Variants in SNTG1 observed in about 807,000 individuals in gnomAD.
SNTG1 encodes the protein gamma-1-syntrophin.
In SNTG1, 39 loss-of-function variants were observed where a neutral mutation model predicts 74.7. That is an observed-to-expected ratio of 0.52 (90% CI 0.40 to 0.68). The LOEUF (loss-of-function observed/expected upper bound fraction) is 0.68. SNTG1 is among the 30% of genes least tolerant of loss of function. The pLI, the probability that SNTG1 is intolerant of heterozygous loss-of-function variation, is 0.00. For synonymous variants in SNTG1, 254 were observed against 217.1 expected (o/e 1.17, Z -1.49); for missense variants, 685 against 609.5 (o/e 1.12, Z -1.30).
intron 2 of SNTG1, among the ~76,000 whole-genome samples, chr8:50,284,341 C>T (rs1482532996): frequency 6.6e-6 from 1 of 151,964 alleles, no homozygotes; most frequent in Non-Finnish European, 1.5e-5. Context: ...AGAGCAAGAT[C>T]ACAGAGGTAA....
At chr8:50,540,743 A>C (rs2094340620) in intron 11 of SNTG1, among the ~76,000 whole-genome samples, 1 of 152,142 alleles carries the variant, frequency 6.6e-6, no homozygotes, top group African/African-American at 2.4e-5. Context: ...TGGCATGTCC[A>C]GTACCTTTGG....
At chr8:50,753,082 A>T (rs906983515) in intron 18 of SNTG1, among the ~76,000 whole-genome samples, 1 of 151,852 alleles carries the variant, frequency 6.6e-6, no homozygotes, top group Non-Finnish European at 1.5e-5. Flanking sequence ...TTTGTCTCCC[A>T]TCAGTTTAGA....
At chr8:50,692,112 G>A (rs933134320) in intron 15 of SNTG1, among the ~76,000 whole-genome samples, 1 of 151,918 alleles carries the variant, frequency 6.6e-6, no homozygotes, top group African/African-American at 2.4e-5. Flanking sequence ...GGTTCTTTAA[G>A]GACTTCTCTG....
chr8:50,613,510 A>G (rs1397723042), intron 13 of SNTG1, among the ~76,000 whole-genome samples: 1 of 152,318 alleles, frequency 6.6e-6, no homozygotes, highest in Non-Finnish European at 1.5e-5. Context: ...GCAGGAAGAT[A>G]CATTTTAGCT....
chr8:50,249,184 T>C (rs1252757449), intron 2 of SNTG1, among the ~76,000 whole-genome samples: 1 of 152,176 alleles, frequency 6.6e-6, no homozygotes, highest in African/African-American at 2.4e-5. Context: ...GATCTTCTAG[T>C]CCTTACAGGC....
intron 4 of SNTG1, among the ~76,000 whole-genome samples, chr8:50,423,974 A>C (rs922642690): frequency 6.6e-6 from 1 of 152,174 alleles, no homozygotes; most frequent in African/African-American, 2.4e-5. Flanking sequence ...TATGGGGATG[A>C]TCTAAAGATG....
At chr8:50,274,255 T>C (rs1403563713) in intron 2 of SNTG1, among the ~76,000 whole-genome samples, 2 of 151,892 alleles carry the variant, frequency 1.3e-5, no homozygotes, top group African/African-American at 4.8e-5. Flanking sequence ...CCAGGCTAAT[T>C]TTTGTGTTTT....
chr8:49,934,525 C>T (rs948828106), intron 1 of SNTG1, among the ~76,000 whole-genome samples: 33 of 151,842 alleles, frequency 2.2e-4, no homozygotes, highest in Non-Finnish European at 5.9e-5. Flanking sequence ...AAGACTAATG[C>T]GAAAGTGGAA....
chr8:50,760,891 A>T (rs1451104491), intron 18 of SNTG1, among the ~76,000 whole-genome samples: 1 of 151,968 alleles, frequency 6.6e-6, no homozygotes, highest in Non-Finnish European at 1.5e-5. Context: ...ATAGCCTACC[A>T]ACCAAAAAAA....
chr8:49,914,529 C>T (rs997699383), intron 1 of SNTG1, among the ~76,000 whole-genome samples: 8 of 152,080 alleles, frequency 5.3e-5, no homozygotes, highest in Non-Finnish European at 8.8e-5. Context: ...ATTCAATTGC[C>T]TTCTTCCAAA....
chr8:50,632,289 A>T lies in SNTG1; in HGVS notation c.850-24620A>T, dbSNP rs538856297. Among the ~76,000 whole-genome samples, 24 of 96,450 alleles carry T rather than the reference A, an allele frequency of 2.5e-4. No individual in the cohort carries two copies. The African/African-American group carries it at 2.6e-3, about 10-fold the overall frequency. 63.3% of individuals were successfully genotyped at this position (96,450 alleles called of 152,430 possible). On this transcript the variant is annotated intron_variant, in intron 13 of 18. Coordinates refer to ENST00000642720, the MANE Select transcript of SNTG1 (RefSeq NM_018967.5). Reference sequence around the variant, plus strand: ...TTATTTTAATAGTCTTTTTAATTTTATTTATTTATTTATTTATTTATTTAT... The same window carrying T: ...TTATTTTAATAGTCTTTTTAATTTTTTTTATTTATTTATTTATTTATTTAT...
chr8:50,326,812 C>T (rs1429684390), intron 2 of SNTG1, among the ~76,000 whole-genome samples: 2 of 151,922 alleles, frequency 1.3e-5, no homozygotes, highest in African/African-American at 4.8e-5. Context: ...TTTTGTTCTG[C>T]AAATGCAGTA....
chr8:50,170,910 C>G (rs1268706258), intron 1 of SNTG1, among the ~76,000 whole-genome samples: 1 of 152,188 alleles, frequency 6.6e-6, no homozygotes, highest in Non-Finnish European at 1.5e-5. Context: ...CTCCCTCTTC[C>G]AAAGGCACAG....
chr8:50,763,213 C>T (rs140139400), intron 18 of SNTG1, among the ~76,000 whole-genome samples: 16 of 151,932 alleles, frequency 1.1e-4, no homozygotes, highest in South Asian at 4.1e-4. Flanking sequence ...GGAGAGTTGT[C>T]GATTTTTCAG....
At chr8:50,736,781 G>C (rs1267668284) in intron 17 of SNTG1, among the ~76,000 whole-genome samples, 1 of 152,032 alleles carries the variant, frequency 6.6e-6, no homozygotes, top group South Asian at 2.1e-4. Context: ...AGTCAAAACT[G>C]TACAACTACA....
intron 1 of SNTG1, among the ~76,000 whole-genome samples, chr8:49,939,020 T>C (rs1354976660): frequency 1.3e-5 from 2 of 152,138 alleles, no homozygotes; most frequent in Non-Finnish European, 2.9e-5. Context: ...CTATGCATAG[T>C]AGTGAAATAA....
chr8:50,644,623 G>A (rs1436681622), intron 13 of SNTG1, among the ~76,000 whole-genome samples: 1 of 152,140 alleles, frequency 6.6e-6, no homozygotes, highest in Non-Finnish European at 1.5e-5. Flanking sequence ...AGTAAAATGT[G>A]GGGGAGAGTC....
chr8:50,275,300 G>A (rs916183731), intron 2 of SNTG1, among the ~76,000 whole-genome samples: 4 of 152,084 alleles, frequency 2.6e-5, no homozygotes, highest in Non-Finnish European at 4.4e-5. Flanking sequence ...TACTTATATA[G>A]TTAGATTACC....
chr8:50,305,019 C>T (rs1160328291), intron 2 of SNTG1, among the ~76,000 whole-genome samples: 1 of 152,186 alleles, frequency 6.6e-6, no homozygotes, highest in African/African-American at 2.4e-5. Flanking sequence ...TCTCCTACCT[C>T]AGCCTCCCAG....
Sources: gnomAD v4.1 joint callset for allele counts (sites outside exome capture counted in the v4.1 genomes callset) on GRCh38, gnomAD v4.1.1 for gene constraint, MANE v1.5 for transcripts, NCBI Gene and HGNC (gene_info 2026-07-23, HGNC 2026-07-21) for gene names.